LYNX1: variants seen among roughly 807,000 people sequenced by gnomAD.
LYNX1 encodes the protein Ly6/neurotoxin 1.
Under a neutral mutation model 8.3 loss-of-function variants are expected in LYNX1, and 8 were observed. The observed-to-expected ratio is 0.97, with a 90% CI of 0.57 to 1.74. LYNX1 has a LOEUF of 1.74. Among genes scored for constraint, LYNX1 ranks in the 40% most tolerant of loss-of-function variants. The probability of loss-of-function intolerance (pLI) is 0.00; values close to 1 mark genes in which losing one functional copy is unlikely to be tolerated. For synonymous variants in LYNX1, 73 were observed against 67.9 expected (o/e 1.08, Z -0.37); for missense variants, 158 against 159.7 (o/e 0.99, Z 0.06).
At chr8:142,777,774 A>C, upstream of LYNX1, 1 of 397,782 alleles carries the variant, frequency 2.5e-6, no homozygotes, top group Non-Finnish European at 4.4e-6. Flanking sequence ...CAGCCCGGAC[A>C]CTCCGCAGGC....
At position 142,771,472 on chromosome 8, in the gene LYNX1, G is replaced by C; in HGVS notation, c.*3695C>G. On this transcript the variant is annotated 3_prime_UTR_variant, in exon 4 of 4. Coordinates refer to ENST00000652477, the MANE Select transcript of LYNX1 (RefSeq NM_177477.4). ...GCGGAAGCTGGCAGGGCTGTCCACA[G>C]GGAGGACCCCCGTGTGTCTCTCGGG... 1 of 985,386 alleles carries C rather than the reference G, an allele frequency of 1.0e-6. No individual in the cohort carries two copies. The highest frequency in any genetic ancestry group is 1.2e-6 in the Non-Finnish European group (1 of 829,942). The allele number at this position is 985,386 out of a possible 1,614,324, so 61.0% of individuals were successfully genotyped here.
chr8:142,775,953 G>A lies in LYNX1; in HGVS notation c.5C>T (p.Thr2Met), dbSNP rs780846630. 107 of 1,613,932 alleles carry A rather than the reference G, an allele frequency of 6.6e-5. No individual in the cohort carries two copies. The highest frequency in any genetic ancestry group is 6.5e-4 in the East Asian group (29 of 44,900). M[T>M]PLLTLILVVL... ...CACCAGGATCAGGGTGAGCAGGGGC[G>A]TCATGGCTGCAGGCAGGAGGGCAGC... The change falls in exon 2 of 4, where the codon ACG (threonine) becomes ATG (methionine). Residue 2 changes from threonine (T) to methionine (M), a missense_variant. Coordinates refer to ENST00000652477, the MANE Select transcript of LYNX1 (RefSeq NM_177477.4).
chr8:142,772,299 G>A lies in LYNX1; in HGVS notation c.*2868C>T, dbSNP rs955217260. 4 of 985,766 alleles carry A rather than the reference G, an allele frequency of 4.1e-6. No homozygotes were observed. Among genetic ancestry groups the A allele is most frequent in the Middle Eastern group, 1.0e-3 (2 of 1,914 alleles). 61.1% of individuals were successfully genotyped at this position (985,766 alleles called of 1,614,324 possible). On this transcript the variant is annotated 3_prime_UTR_variant, in exon 4 of 4. Transcript: ENST00000652477. ...CCGAAGTGGGAACTGGGCCCCCATG[G>A]TGCCCAGTGCCTCTCCCCCTCTCCT...
chr8:142,773,422 G>C lies in LYNX1; in HGVS notation c.*1745C>G. The C allele has an allele frequency of 1.0e-6, 1 of 985,628 alleles. No homozygotes were observed. Among genetic ancestry groups the C allele is most frequent in the South Asian group, 4.7e-5 (1 of 21,290 alleles). The allele number at this position is 985,628 out of a possible 1,614,324, so 61.1% of individuals were successfully genotyped here. On this transcript the variant is annotated 3_prime_UTR_variant, in exon 4 of 4. Transcript: ENST00000652477. Reference sequence around the variant, plus strand: ...CAACTCCTTCCCAGCTCTGGGCCCAGTATGATGCCCATCTTCCCTCTGGGG... The same window carrying C: ...CAACTCCTTCCCAGCTCTGGGCCCACTATGATGCCCATCTTCCCTCTGGGG...
At chr8:142,777,028 G>C (rs891223162) in intron 1 of LYNX1, 78 bp downstream of exon 1, 1 of 152,218 alleles carries the variant, frequency 6.6e-6, no homozygotes, top group Non-Finnish European at 1.5e-5. Context: ...CCCTCACGGA[G>C]AGCCCCGCCC....
At position 142,773,803 on chromosome 8, in the gene LYNX1, C is replaced by T. The variant is rs1187982054; in HGVS notation, c.*1364G>A. ...CACATGGATATGTCACCATCCTGCCCATGCGGGATGGCTTGAAGGGTTTCT... is the reference window on the plus strand; with the variant it reads ...CACATGGATATGTCACCATCCTGCCTATGCGGGATGGCTTGAAGGGTTTCT... On this transcript the variant is annotated 3_prime_UTR_variant, in exon 4 of 4. Transcript: ENST00000652477. 4.1e-6 allele frequency: 4 copies of T among 985,368 alleles called. No homozygotes were observed. The highest frequency in any genetic ancestry group is 2.3e-4 in the East Asian group (2 of 8,778). 61.0% of individuals were successfully genotyped at this position (985,368 alleles called of 1,614,324 possible). A position where few individuals can be genotyped will look rare whatever the true frequency, so the allele number is the denominator to read the frequency against.
rs1815316765 is a variant in LYNX1 at position 142,774,441 on chromosome 8, C to T, written c.*726G>A. The T allele has an allele frequency of 2.3e-5, 23 of 985,798 alleles. No homozygotes were observed. The South Asian group carries it at 8.9e-4, about 38-fold the overall frequency. The allele number at this position is 985,798 out of a possible 1,614,324, so 61.1% of individuals were successfully genotyped here. A position where few individuals can be genotyped will look rare whatever the true frequency, so the allele number is the denominator to read the frequency against. ...GCATGGCCCTAGCTCCTGCCAGCTT[C>T]AGGCCTGGTGCCCTCCCCGTGAGGG... On this transcript the variant is annotated 3_prime_UTR_variant, in exon 4 of 4. Transcript: ENST00000652477.
rs1050003383 is a variant in LYNX1, at chr8:142,771,785, G to A, written c.*3382C>T. On this transcript the variant is annotated 3_prime_UTR_variant, in exon 4 of 4. Transcript: ENST00000652477. Reference sequence around the variant, plus strand: ...AATCAGATGCTACATAGTGGGGGAGGCGGCAGCTGGCCTGGCTCCCCCACT... The same window carrying A: ...AATCAGATGCTACATAGTGGGGGAGACGGCAGCTGGCCTGGCTCCCCCACT... 1.0e-6 allele frequency: 1 copy of A among 985,796 alleles called. No individual in the cohort carries two copies. The highest frequency in any genetic ancestry group is 1.2e-6 in the Non-Finnish European group (1 of 829,964). The allele number at this position is 985,796 out of a possible 1,614,324, so 61.1% of individuals were successfully genotyped here.
chr8:142,771,929 C>T lies in LYNX1; in HGVS notation c.*3238G>A, dbSNP rs1203827146. 1.0e-6 allele frequency: 1 copy of T among 985,892 alleles called. No individual in the cohort carries two copies. The highest frequency in any genetic ancestry group is 6.1e-5 in the Admixed American group (1 of 16,270). The allele number at this position is 985,892 out of a possible 1,614,324, so 61.1% of individuals were successfully genotyped here. On this transcript the variant is annotated 3_prime_UTR_variant, in exon 4 of 4. Transcript: ENST00000652477. ...TGTCCCCATGCTGACCTGGCCATGT[C>T]CCCAGGTCCCACCCCAGGGTCACTT... is the stretch of plus-strand genomic sequence containing the variant.
chr8:142,776,747 C>T (rs1261701902), intron 1 of LYNX1, among the ~76,000 whole-genome samples: 2 of 152,152 alleles, frequency 1.3e-5, no homozygotes, highest in African/African-American at 4.8e-5. Flanking sequence ...GGCACTTGGG[C>T]CAGACAAGAA....
Position 142,776,105 on chromosome 8 carries a change from C to T in LYNX1, c.-148G>A, listed in dbSNP as rs556741273. 318 of 871,210 alleles carry T rather than the reference C, an allele frequency of 3.7e-4. 3 individuals are homozygous for T. The South Asian group carries it at 4.5e-3, about 12-fold the overall frequency. The allele number at this position is 871,210 out of a possible 1,614,324, so 54.0% of individuals were successfully genotyped here. A position where few individuals can be genotyped will look rare whatever the true frequency, so the allele number is the denominator to read the frequency against. ...CCTGCCTCCCGGAGCTCCTGGTCTACTGGGAGTGCTGCAACCCTGCACAGC... is the reference window on the plus strand; with the variant it reads ...CCTGCCTCCCGGAGCTCCTGGTCTATTGGGAGTGCTGCAACCCTGCACAGC... On this transcript the variant is annotated 5_prime_UTR_variant, in exon 2 of 4. Transcript: ENST00000652477.
rs1161532250 is a variant in LYNX1, at chr8:142,773,622, C to A, written c.*1545G>T. On this transcript the variant is annotated 3_prime_UTR_variant, in exon 4 of 4. Transcript: ENST00000652477. ...CTCAGAACCAGCCCCAGGAGCAGAA[C>A]GCAGGCCTGCATATAGACTCACTGC... 5 of 985,520 alleles carry A rather than the reference C, an allele frequency of 5.1e-6. No individual in the cohort carries two copies. Among genetic ancestry groups the A allele is most frequent in the Middle Eastern group, 5.2e-4 (1 of 1,914 alleles). The allele number at this position is 985,520 out of a possible 1,614,324, so 61.0% of individuals were successfully genotyped here. A position where few individuals can be genotyped will look rare whatever the true frequency, so the allele number is the denominator to read the frequency against.
At position 142,775,222 on chromosome 8, in the gene LYNX1, G is replaced by T. The variant is rs142389965; in HGVS notation, c.296C>A (p.Pro99Gln). The T allele has an allele frequency of 8.0e-4, 1,283 of 1,613,262 alleles. 1 individual carries two copies. Among genetic ancestry groups the T allele is most frequent in the Non-Finnish European group, 9.1e-4 (1,074 of 1,179,726 alleles). The change falls in exon 4 of 4, where the codon CCG becomes CAG. Residue 99 changes from proline to glutamine, a missense_variant. Physicochemically the swap from Pro to Gln is moderately conservative, Grantham distance 76. Transcript: ENST00000652477. The part of the protein sequence containing the change: ...DLCNGTGLAT[P>Q]ATLALAPILL... ...GATGGGGGCCAGGGCCAGGGTGGCC[G>T]GGGTGGCAAGGCCGGTGCCGTTGCA...
In LYNX1 at chr8:142,772,622, G is replaced by A; in HGVS notation, c.*2545C>T. The stretch of plus-strand genomic sequence containing the variant: ...AGATAATGGCTCCCATTGCCGGGCT[G>A]CTATACAGTGCTCAGGGCCACAGTG... On this transcript the variant is annotated 3_prime_UTR_variant, in exon 4 of 4. Coordinates refer to ENST00000652477, the MANE Select transcript of LYNX1 (RefSeq NM_177477.4). 1 of 985,574 alleles carries A rather than the reference G, an allele frequency of 1.0e-6. No individual in the cohort carries two copies. Among genetic ancestry groups the A allele is most frequent in the Non-Finnish European group, 1.2e-6 (1 of 830,046 alleles). 61.1% of individuals were successfully genotyped at this position (985,574 alleles called of 1,614,324 possible).
rs752536946 is a variant in LYNX1 at position 142,775,918 on chromosome 8, C to T, written c.40G>A (p.Gly14Ser). Residue 14 changes from glycine to serine, a missense_variant, in exon 2 of 4, where the codon GGC becomes AGC. Transcript: ENST00000652477. Reference protein sequence around the residue: ...LLTLILVVLMGLPLAQALDCH... With the variant: ...LLTLILVVLMSLPLAQALDCH... ...TTGTCCATCTTACCCAGAGGTAAGC[C>T]CATGAGGACCACCAGGATCAGGGTG... 1 of 1,614,138 alleles carries T rather than the reference C, an allele frequency of 6.2e-7. No individual in the cohort carries two copies. Among genetic ancestry groups the T allele is most frequent in the East Asian group, 2.2e-5 (1 of 44,876 alleles).
In LYNX1 at chr8:142,774,672, C is replaced by A. The variant is rs766901060; in HGVS notation, c.*495G>T. On this transcript the variant is annotated 3_prime_UTR_variant, in exon 4 of 4. Transcript: ENST00000652477. ...TCCTCCCACAGCCCTGATCCCGTAC[C>A]GGTCCTGGCAGCTCCTGGCCTCAGT... 2.4e-5 allele frequency: 24 copies of A among 991,968 alleles called. No homozygotes were observed. Among genetic ancestry groups the A allele is most frequent in the Non-Finnish European group, 2.4e-5 (20 of 834,000 alleles). 61.4% of individuals were successfully genotyped at this position (991,968 alleles called of 1,614,324 possible).
In LYNX1 at chr8:142,773,427, A is replaced by C; in HGVS notation, c.*1740T>G. The C allele has an allele frequency of 1.0e-6, 1 of 985,528 alleles. No individual in the cohort carries two copies. The highest frequency in any genetic ancestry group is 1.2e-6 in the Non-Finnish European group (1 of 830,052). 61.0% of individuals were successfully genotyped at this position (985,528 alleles called of 1,614,324 possible). On this transcript the variant is annotated 3_prime_UTR_variant, in exon 4 of 4. Transcript: ENST00000652477. Reference sequence around the variant, plus strand: ...CCTTCCCAGCTCTGGGCCCAGTATGATGCCCATCTTCCCTCTGGGGAGTCA... The same window carrying C: ...CCTTCCCAGCTCTGGGCCCAGTATGCTGCCCATCTTCCCTCTGGGGAGTCA...
chr8:142,772,061 G>A lies in LYNX1; in HGVS notation c.*3106C>T. 2.0e-6 allele frequency: 2 copies of A among 986,526 alleles called. No individual in the cohort carries two copies. Among genetic ancestry groups the A allele is most frequent in the Non-Finnish European group, 2.4e-6 (2 of 830,310 alleles). The allele number at this position is 986,526 out of a possible 1,614,324, so 61.1% of individuals were successfully genotyped here. A position where few individuals can be genotyped will look rare whatever the true frequency, so the allele number is the denominator to read the frequency against. On this transcript the variant is annotated 3_prime_UTR_variant, in exon 4 of 4. Transcript: ENST00000652477. The stretch of plus-strand genomic sequence containing the variant: ...GCCACTCCTGTCCAGTTCCCAGAAT[G>A]TATAACATCCCAGGGTGCCAGAGCC...
At chr8:142,775,492 C>A in intron 3 of LYNX1, 101 bp downstream of exon 3, 1 of 1,557,110 alleles carries the variant, frequency 6.4e-7, no homozygotes, top group Non-Finnish European at 8.7e-7. Flanking sequence ...GATCCGGGAA[C>A]AGGAGAGCCT....
Sources: allele counts gnomAD v4.1 joint callset (sites outside exome capture counted in the v4.1 genomes callset), GRCh38; gene constraint gnomAD v4.1.1; transcripts MANE v1.5; gene names NCBI Gene and HGNC (gene_info 2026-07-23, HGNC 2026-07-21).